Variants in GIN1 observed in about 807,000 individuals in gnomAD.
GIN1 encodes gypsy retrotransposon integrase-like protein 1.
In GIN1, 41 loss-of-function variants were observed where a neutral mutation model predicts 51.4. The ratio of observed to expected loss-of-function variants is 0.80; its 90% CI spans 0.62 to 1.04. The LOEUF (loss-of-function observed/expected upper bound fraction) is 1.04, where lower values mean the gene tolerates loss of function less well. GIN1 is among the 50% of genes least tolerant of loss of function. GIN1 has a pLI of 0.00. For synonymous variants in GIN1, 222 were observed against 206.5 expected (o/e 1.07, Z -0.64); for missense variants, 610 against 612.4 (o/e 1.00, Z 0.04).
intron 1 of GIN1, among the ~76,000 whole-genome samples, chr5:103,117,853 G>A (rs34780): frequency 0.24 from 37,060 of 151,914 alleles, 5,152 homozygotes; most frequent in East Asian, 0.45. Flanking sequence ...GAGTACATGC[G>A]CTGACACTTT....
In GIN1 at chr5:103,106,877, TTC is replaced by T. The variant is rs1554196358; in HGVS notation, c.170_171del (p.Arg57LysfsTer22). The T allele has an allele frequency of 6.3e-7, 1 of 1,583,958 alleles. No homozygotes were observed. Among genetic ancestry groups the T allele is most frequent in the South Asian group, 1.2e-5 (1 of 85,680 alleles). Reference protein sequence around the residue: ...EKKLFYVGKDRKQNRLVIVSE... With the variant: ...EKKLFYVGKDXKQNRLVIVSE... ...GAAACAATTACCAAACGATTTTGTT[TTC>T]TGTCTTTTCCAACATAAAACAGCTT... On this transcript the variant is annotated frameshift_variant, in exon 3 of 8. Coordinates refer to ENST00000399004, the MANE Select transcript of GIN1 (RefSeq NM_017676.2). LOFTEE classifies it high-confidence loss of function.
intron 7 of GIN1, 22 bp downstream of exon 7, chr5:103,096,519 T>A (rs782004536): frequency 1.3e-6 from 2 of 1,538,434 alleles, no homozygotes; most frequent in South Asian, 2.3e-5. Context: ...AATAAAAATG[T>A]AGAGAAGTGA....
chr5:103,099,937 T>C (rs1315881705), intron 4 of GIN1, among the ~76,000 whole-genome samples: 1 of 152,204 alleles, frequency 6.6e-6, no homozygotes, highest in Non-Finnish European at 1.5e-5. Flanking sequence ...CAGTATTTGC[T>C]GACAAAAGAG....
chr5:103,092,993 A>G (rs1331787865), intron 7 of GIN1, among the ~76,000 whole-genome samples: 1 of 151,460 alleles, frequency 6.6e-6, no homozygotes, highest in Non-Finnish European at 1.5e-5. Flanking sequence ...AGAAAAAAAA[A>G]AGATATAACT....
intron 4 of GIN1, among the ~76,000 whole-genome samples, chr5:103,098,591 T>C (rs2151466704): frequency 6.6e-6 from 1 of 152,240 alleles, no homozygotes; most frequent in East Asian, 1.9e-4. Context: ...GCCTAGCAGC[T>C]TGGACTACAG....
intron 7 of GIN1, among the ~76,000 whole-genome samples, chr5:103,093,068 T>C (rs1554194713): frequency 6.6e-6 from 1 of 151,232 alleles, no homozygotes; most frequent in Non-Finnish European, 1.5e-5. Context: ...CTTGACACTA[T>C]AGGGACTGTG....
At chr5:103,108,510 AG>A (rs1787787453) in intron 2 of GIN1, 58 bp downstream of exon 2, 1 of 1,193,114 alleles carries the variant, frequency 8.4e-7, no homozygotes, top group African/African-American at 1.5e-5. Context: ...AACTTCCACA[AG>A]GAAGAATGTG....
At chr5:103,114,473 G>A (rs1342207722) in intron 1 of GIN1, among the ~76,000 whole-genome samples, 1 of 152,202 alleles carries the variant, frequency 6.6e-6, no homozygotes, top group Non-Finnish European at 1.5e-5. Flanking sequence ...GGAGAAAGAT[G>A]ACAATATTAA....
chr5:103,104,875 C>A, intron 3 of GIN1, 29 bp from the exon 4 acceptor site: 2 of 1,365,984 alleles, frequency 1.5e-6, no homozygotes, highest in Admixed American at 2.1e-5. Flanking sequence ...AAAGAAAACA[C>A]ATACAAATGT....
intron 3 of GIN1, among the ~76,000 whole-genome samples, chr5:103,105,374 T>C: frequency 1.3e-5 from 2 of 152,320 alleles, no homozygotes; most frequent in South Asian, 4.1e-4. Context: ...AATAAATATT[T>C]ATTAAATACT....
Position 103,115,597 on chromosome 5 carries a change from T to G in GIN1, c.-8+4467A>C, listed in dbSNP as rs991025106. On this transcript the variant is annotated intron_variant, in intron 1 of 7. Coordinates refer to ENST00000399004, the MANE Select transcript of GIN1 (RefSeq NM_017676.2). ...CACAAAATGAAAAGAGTTCTTGGGATGGATGGTGGTAATAGTTGTAAAACA... is the reference window on the plus strand; with the variant it reads ...CACAAAATGAAAAGAGTTCTTGGGAGGGATGGTGGTAATAGTTGTAAAACA... 4.6e-5 allele frequency among the ~76,000 whole-genome samples: 7 copies of G among 152,210 alleles called. No individual in the cohort carries two copies. The East Asian group carries it at 1.2e-3, about 25-fold the overall frequency.
rs201487324 is a variant in GIN1, at chr5:103,108,676, T to C, written c.32A>G (p.His11Arg). Reference sequence around the variant, plus strand: ...TTTGTAATATGCAATCTGTTTAAGATGAAGGTCACCATTTTTTCCACTACG... The same window carrying C: ...TTTGTAATATGCAATCTGTTTAAGACGAAGGTCACCATTTTTTCCACTACG... MVRSGKNGDL[H>R]LKQIAYYKRT... The change falls in exon 2 of 8, where the codon CAT (histidine) becomes CGT (arginine). Residue 11 changes from histidine (H) to arginine (R), a missense_variant. Coordinates refer to ENST00000399004, the MANE Select transcript of GIN1 (RefSeq NM_017676.2). 1.0e-4 allele frequency: 168 copies of C among 1,603,642 alleles called. No individual in the cohort carries two copies. The highest frequency in any genetic ancestry group is 1.4e-4 in the Non-Finnish European group (165 of 1,172,690).
intron 1 of GIN1, among the ~76,000 whole-genome samples, chr5:103,113,330 T>C (rs1001240864): frequency 6.6e-6 from 1 of 152,144 alleles, no homozygotes; most frequent in Non-Finnish European, 1.5e-5. Context: ...GGCTAGGAAA[T>C]ACAAGATCAA....
At chr5:103,109,291 C>A (rs1410631612) in intron 1 of GIN1, among the ~76,000 whole-genome samples, 2 of 152,010 alleles carry the variant, frequency 1.3e-5, no homozygotes, top group African/African-American at 4.8e-5. Flanking sequence ...TAAAATCCCA[C>A]CAGAATGTCT....
In GIN1 at chr5:103,106,830, G is replaced by A. The variant is rs1554196337; in HGVS notation, c.219C>T (p.Val73=). 1 of 1,603,486 alleles carries A rather than the reference G, an allele frequency of 6.2e-7. No homozygotes were observed. Among genetic ancestry groups the A allele is most frequent in the East Asian group, 2.2e-5 (1 of 44,548 alleles). ...TGTCATTTTCATGGCATTCTCTTAA[G>A]ACTTTCTTTTTTTCCTCTTCTGAAA... is the stretch of plus-strand genomic sequence containing the variant. ...VIVSEEEKKK[V]LRECHENDSG... The change falls in exon 3 of 8, where the codon GTC becomes GTT. Residue 73 remains valine, a synonymous_variant. Transcript: ENST00000399004.
chr5:103,098,575 C>T (rs1554195420), intron 4 of GIN1, among the ~76,000 whole-genome samples: 1 of 152,138 alleles, frequency 6.6e-6, no homozygotes. Flanking sequence ...CCTCTCACCT[C>T]AGCCTGCCTA....
chr5:103,110,305 G>C (rs1318130260), intron 1 of GIN1, among the ~76,000 whole-genome samples: 4 of 151,830 alleles, frequency 2.6e-5, no homozygotes, highest in African/African-American at 9.7e-5. Flanking sequence ...TGAAAACATA[G>C]GACACGCATT....
At chr5:103,110,961 C>A (rs1436262865) in intron 1 of GIN1, among the ~76,000 whole-genome samples, 2 of 152,038 alleles carry the variant, frequency 1.3e-5, no homozygotes, top group African/African-American at 4.8e-5. Context: ...ACCCTACTGC[C>A]CTCCAATCTG....
chr5:103,097,439 T>C lies in GIN1; in HGVS notation c.883A>G (p.Met295Val). The C allele has an allele frequency of 6.3e-7, 1 of 1,581,010 alleles. No homozygotes were observed. The highest frequency in any genetic ancestry group is 1.3e-5 in the African/African-American group (1 of 74,346). ...YFQMFSRNPYMPETSDSLHEV... is the reference protein window; with the variant it reads ...YFQMFSRNPYVPETSDSLHEV... ...TGAAGACTATCTGAAGTCTCAGGCA[T>C]ATAAGGATTTCGACTAAACATTTGA... Residue 295 changes from methionine (M) to valine (V), a missense_variant, in exon 6 of 8, where the codon ATG (methionine) becomes GTG (valine). Met to Val is a conservative substitution (Grantham distance 21). Transcript: ENST00000399004.
Sources: allele counts gnomAD v4.1 joint callset (sites outside exome capture counted in the v4.1 genomes callset), GRCh38; gene constraint gnomAD v4.1.1; transcripts MANE v1.5; gene names NCBI Gene and HGNC (gene_info 2026-07-23, HGNC 2026-07-21).